TBXAS1: variants seen among roughly 807,000 people sequenced by gnomAD.
The protein encoded by TBXAS1 is thromboxane A synthase 1, also known as thromboxane-A synthase.
TBXAS1 carries 48 observed loss-of-function variants against 60.7 expected under a neutral mutation model. The observed-to-expected ratio is 0.79, with a 90% CI of 0.63 to 1.01. TBXAS1 has a LOEUF of 1.01. Among genes scored for constraint, TBXAS1 ranks in the 50% least tolerant of loss-of-function variants. The pLI, the probability that TBXAS1 is intolerant of heterozygous loss-of-function variation, is 0.00. For synonymous variants in TBXAS1, 287 were observed against 269.7 expected (o/e 1.06, Z -0.63); for missense variants, 685 against 686.3 (o/e 1.00, Z 0.02).
chr7:139,943,833 G>C (rs555217529), intron 5 of TBXAS1, among the ~76,000 whole-genome samples: 2 of 152,050 alleles, frequency 1.3e-5, no homozygotes, highest in Admixed American at 1.3e-4. Context: ...TTCATTTGTT[G>C]GTCACCAGTT....
chr7:139,939,402 G>A (rs932770350), intron 5 of TBXAS1, among the ~76,000 whole-genome samples: 5 of 146,608 alleles, frequency 3.4e-5, no homozygotes, highest in Admixed American at 2.7e-4. Context: ...AAAGCCAAGA[G>A]GTAGAGAGAG....
intron 1 of TBXAS1, among the ~76,000 whole-genome samples, chr7:139,869,266 C>T (rs746171812): frequency 1.3e-5 from 2 of 152,194 alleles, no homozygotes; most frequent in Non-Finnish European, 2.9e-5. Context: ...AGTGGCCTGA[C>T]ACCAATCTCT....
At chr7:139,974,613 A>G (rs1811438137) in intron 9 of TBXAS1, among the ~76,000 whole-genome samples, 2 of 152,196 alleles carry the variant, frequency 1.3e-5, no homozygotes, top group Admixed American at 1.3e-4. Context: ...GGATAGTAAC[A>G]TTGTGTAGCT....
chr7:139,960,069 C>T (rs1292592924), intron 8 of TBXAS1, among the ~76,000 whole-genome samples: 1 of 152,180 alleles, frequency 6.6e-6, no homozygotes, highest in African/African-American at 2.4e-5. Flanking sequence ...CCACCAACTA[C>T]CCCCGACCCT....
intron 4 of TBXAS1, among the ~76,000 whole-genome samples, chr7:139,919,790 T>C (rs1189249709): frequency 1.3e-5 from 2 of 152,218 alleles, no homozygotes; most frequent in African/African-American, 2.4e-5. Flanking sequence ...GTTGGTTTTC[T>C]TCAATAACCT....
chr7:139,856,841 A>G (rs1405330250), intron 1 of TBXAS1, among the ~76,000 whole-genome samples: 1 of 152,178 alleles, frequency 6.6e-6, no homozygotes, highest in African/African-American at 2.4e-5. Flanking sequence ...AGAAAGGGGC[A>G]GCATCAGGTG....
At chr7:139,781,474 G>A (rs1429191845) in intron 2 of TBXAS1, among the ~76,000 whole-genome samples, 1 of 152,148 alleles carries the variant, frequency 6.6e-6, no homozygotes, top group Non-Finnish European at 1.5e-5. Context: ...CAGGACGGGG[G>A]ATTCCTCAAC....
At chr7:139,814,123 A>G (rs553524834) in intron 4 of TBXAS1, among the ~76,000 whole-genome samples, 4 of 152,166 alleles carry the variant, frequency 2.6e-5, no homozygotes, top group Non-Finnish European at 5.9e-5. Context: ...TCTAAGTAGA[A>G]AGAAGTAGCG....
chr7:139,992,471 G>A (rs1812986668), intron 9 of TBXAS1, among the ~76,000 whole-genome samples: 1 of 152,248 alleles, frequency 6.6e-6, no homozygotes. Flanking sequence ...GCGGAGCCAT[G>A]TCTCTGGGGG....
chr7:139,947,484 C>T (rs776367902), intron 5 of TBXAS1, among the ~76,000 whole-genome samples: 5 of 152,112 alleles, frequency 3.3e-5, no homozygotes, highest in African/African-American at 7.2e-5. Flanking sequence ...TTGATAGGTG[C>T]GGCAAACCAC....
chr7:140,016,099 T>C (rs189106903), intron 11 of TBXAS1, among the ~76,000 whole-genome samples: 2,404 of 152,034 alleles, frequency 0.016, 63 homozygotes, highest in African/African-American at 0.052. Context: ...GAGGCCAAGG[T>C]GGGCAGATCA....
chr7:139,874,511 A>G (rs1462974979), intron 2 of TBXAS1, among the ~76,000 whole-genome samples: 1 of 152,220 alleles, frequency 6.6e-6, no homozygotes, highest in Non-Finnish European at 1.5e-5. Flanking sequence ...ATATTCATAT[A>G]TACTTTCCTT....
chr7:139,846,398 C>T (rs952246940), intron 1 of TBXAS1, among the ~76,000 whole-genome samples: 1 of 152,166 alleles, frequency 6.6e-6, no homozygotes, highest in Non-Finnish European at 1.5e-5. Context: ...TCAGTTTCCC[C>T]ATGTGTAAAA....
intron 4 of TBXAS1, among the ~76,000 whole-genome samples, chr7:139,918,544 TAA>T (rs960774943): frequency 1.3e-5 from 2 of 152,140 alleles, no homozygotes; most frequent in African/African-American, 4.8e-5. Context: ...CCTGCAAAGA[TAA>T]GAGTTAACAA....
chr7:139,953,400 T>C lies in TBXAS1; in HGVS notation c.483T>C (p.Leu161=), dbSNP rs981224604. 6.2e-7 allele frequency: 1 copy of C among 1,614,038 alleles called. No homozygotes were observed. Among genetic ancestry groups the C allele is most frequent in the Admixed American group, 1.7e-5 (1 of 59,992 alleles). ...MVPLISQACD[L]LLAHLKRYAE... Reference sequence around the variant, plus strand: ...CCCTCATCAGCCAAGCCTGCGACCTTCTCCTGGCTCATTTAAAACGCTATG... The same window carrying C: ...CCCTCATCAGCCAAGCCTGCGACCTCCTCCTGGCTCATTTAAAACGCTATG... The change falls in exon 6 of 13, where the codon CTT becomes CTC. Residue 161 remains leucine, a synonymous_variant. Transcript: ENST00000448866.
intron 8 of TBXAS1, 27 bp from the exon 9 acceptor site, chr7:139,961,892 G>A: frequency 6.2e-7 from 1 of 1,614,028 alleles, no homozygotes; most frequent in East Asian, 2.2e-5. Flanking sequence ...AGGTCAAAAT[G>A]TGCATTTTTC....
intron 5 of TBXAS1, among the ~76,000 whole-genome samples, chr7:139,941,749 C>T (rs1808309223): frequency 1.3e-5 from 2 of 152,174 alleles, no homozygotes. Context: ...TTGCTAGATT[C>T]TTTACCAAAG....
rs1251092372 is a variant in TBXAS1, at chr7:140,007,169, C to A, written c.1213C>A (p.Pro405Thr). The A allele has an allele frequency of 6.2e-7, 1 of 1,614,112 alleles. No individual in the cohort carries two copies. The highest frequency in any genetic ancestry group is 2.2e-5 in the East Asian group (1 of 44,874). ...MVIAETLRMY[P>T]PAFRFTREAA... ...GATTGCAGAGACGCTGAGGATGTAC[C>A]CGCCAGCTTTCAGGTGTGTGGTAGC... Residue 405 changes from proline to threonine, a missense_variant, in exon 10 of 13, where the codon CCG becomes ACG. Pro to Thr is a conservative substitution (Grantham distance 38). Transcript: ENST00000448866.
At chr7:140,000,261 A>T (rs1813577610) in intron 9 of TBXAS1, among the ~76,000 whole-genome samples, 1 of 152,130 alleles carries the variant, frequency 6.6e-6, no homozygotes, top group Non-Finnish European at 1.5e-5. Flanking sequence ...GTACTTTAGG[A>T]GGCTGAGACT....
Sources: gnomAD v4.1 joint callset for allele counts (sites outside exome capture counted in the v4.1 genomes callset) on GRCh38, gnomAD v4.1.1 for gene constraint, MANE v1.5 for transcripts, NCBI Gene and HGNC (gene_info 2026-07-23, HGNC 2026-07-21) for gene names.